Variants in DOCK3 observed in about 807,000 individuals in gnomAD.
DOCK3 encodes dedicator of cytokinesis protein 3.
Under a neutral mutation model 265.6 loss-of-function variants are expected in DOCK3, and 60 were observed. The observed-to-expected ratio is 0.23, with a 90% confidence interval of 0.18 to 0.28. DOCK3 has a LOEUF of 0.28. DOCK3 is among the 10% of genes least tolerant of loss of function. DOCK3 has a pLI of 1.00. For synonymous variants in DOCK3, 881 were observed against 938.0 expected (o/e 0.94, Z 1.11); for missense variants, 1,981 against 2,594.3 (o/e 0.76, Z 5.14).
intron 12 of DOCK3, among the ~76,000 whole-genome samples, chr3:51,165,625 A>G (rs190605552): frequency 8.4e-4 from 128 of 152,272 alleles, no homozygotes; most frequent in African/African-American, 2.7e-3. Context: ...GCCCCTGGCA[A>G]CCACCGTTCT....
At chr3:51,181,385 G>T (rs1164791289) in intron 12 of DOCK3, among the ~76,000 whole-genome samples, 1 of 148,430 alleles carries the variant, frequency 6.7e-6, no homozygotes, top group Non-Finnish European at 1.5e-5. Flanking sequence ...AGAACATGCG[G>T]TGTTTGGTTT....
chr3:51,381,079 C>A lies in DOCK3; in HGVS notation c.5613C>A (p.Pro1871=), dbSNP rs371225174. Residue 1871 remains proline, a synonymous_variant, in exon 53 of 53, where the codon CCC becomes CCA. Coordinates refer to ENST00000266037, the MANE Select transcript of DOCK3 (RefSeq NM_004947.5). The surrounding 1 kb of genome is among the most constrained non-coding windows in gnomAD (Gnocchi z 5.6). ...KSPLHPIPAS[P]TSPQSGLDGS... ...CTCTCCACCCTATCCCAGCCTCCCC[C>A]ACAAGCCCCCAGTCAGGTCTGGACG... is the stretch of plus-strand genomic sequence containing the variant. 6.8e-6 allele frequency: 11 copies of A among 1,607,292 alleles called. No homozygotes were observed. Among genetic ancestry groups the A allele is most frequent in the Non-Finnish European group, 7.7e-6 (9 of 1,175,182 alleles).
At chr3:51,115,629 C>A (rs577518001) in intron 9 of DOCK3, among the ~76,000 whole-genome samples, 1 of 152,272 alleles carries the variant, frequency 6.6e-6, no homozygotes, top group Admixed American at 6.5e-5. Flanking sequence ...TTTTGCTGTG[C>A]AGAAGCTCTT....
intron 4 of DOCK3, among the ~76,000 whole-genome samples, chr3:50,896,137 A>G (rs749178469): frequency 3.3e-5 from 5 of 152,178 alleles, no homozygotes; most frequent in Non-Finnish European, 7.4e-5. Context: ...ACTCCCACGA[A>G]CAGTGTAAAA....
chr3:51,284,534 C>G (rs6804101), intron 27 of DOCK3, among the ~76,000 whole-genome samples: 3,547 of 152,216 alleles, frequency 0.023, 152 homozygotes, highest in African/African-American at 0.081. Context: ...GCTAACACCC[C>G]TTTGGAGCAG....
At chr3:50,861,267 A>AAACC (rs2046897173) in intron 3 of DOCK3, among the ~76,000 whole-genome samples, 1 of 151,816 alleles carries the variant, frequency 6.6e-6, no homozygotes, top group Non-Finnish European at 1.5e-5. Flanking sequence ...GTTTCAGTTG[A>AAACC]AGGTGTTGTA....
chr3:51,203,704 C>T lies in DOCK3; in HGVS notation c.1038-5070C>T, dbSNP rs1407684295. ...AGAACCAAAAAAGAGCCTGCATTGC[C>T]AAGTCAATCCTAAGCCAAAAGAACA... On this transcript the variant is annotated intron_variant, in intron 12 of 52. Transcript: ENST00000266037. 3.9e-5 allele frequency among the ~76,000 whole-genome samples: 6 copies of T among 152,306 alleles called. 2 individuals are homozygous for T. The highest frequency in any genetic ancestry group is 1.4e-4 in the African/African-American group (6 of 41,556).
intron 9 of DOCK3, among the ~76,000 whole-genome samples, chr3:51,108,539 A>G (rs1372055902): frequency 6.6e-6 from 1 of 152,226 alleles, no homozygotes; most frequent in African/African-American, 2.4e-5. Context: ...CACATTCACT[A>G]CTAACCTTGG....
At chr3:50,727,949 A>G (rs888351403) in intron 1 of DOCK3, among the ~76,000 whole-genome samples, 7 of 152,218 alleles carry the variant, frequency 4.6e-5, no homozygotes, top group African/African-American at 7.2e-5. Context: ...AAACCACACT[A>G]TCAACCAAAA....
chr3:51,117,558 CCTCTA>C (rs780510926), intron 9 of DOCK3, among the ~76,000 whole-genome samples: 2 of 152,098 alleles, frequency 1.3e-5, no homozygotes, highest in African/African-American at 2.4e-5. Flanking sequence ...CCTCTTTATA[CCTCTA>C]GTAGAAATCG....
intron 7 of DOCK3, among the ~76,000 whole-genome samples, chr3:51,077,221 G>T (rs1257573207): frequency 2.0e-5 from 3 of 152,170 alleles, no homozygotes; most frequent in African/African-American, 7.2e-5. Context: ...AGTGAAGAGA[G>T]AATGAGAGTT....
intron 5 of DOCK3, among the ~76,000 whole-genome samples, chr3:51,004,996 T>C (rs1003390390): frequency 2.0e-5 from 3 of 151,366 alleles, no homozygotes; most frequent in African/African-American, 7.3e-5. Flanking sequence ...CTAAGTCTTA[T>C]TATTTCTTGA....
chr3:50,977,378 T>G (rs1228632893), intron 5 of DOCK3, among the ~76,000 whole-genome samples: 6 of 152,186 alleles, frequency 3.9e-5, no homozygotes, highest in East Asian at 1.9e-4. Flanking sequence ...GTCTGTAAAG[T>G]ATTGTATTTC....
chr3:50,984,442 C>T (rs1336116681), intron 5 of DOCK3, among the ~76,000 whole-genome samples: 1 of 152,148 alleles, frequency 6.6e-6, no homozygotes, highest in Non-Finnish European at 1.5e-5. Context: ...TCAATTTTTG[C>T]TTGTCTGGTA....
intron 12 of DOCK3, among the ~76,000 whole-genome samples, chr3:51,202,165 C>A (rs1459808656): frequency 2.2e-4 from 1 of 4,516 alleles, no homozygotes; most frequent in Admixed American, 2.8e-3. Flanking sequence ...CAAGAAATAA[C>A]TAAGAGCAGA....
At chr3:51,036,735 A>C (rs1043974114) in intron 5 of DOCK3, among the ~76,000 whole-genome samples, 4 of 152,042 alleles carry the variant, frequency 2.6e-5, no homozygotes, top group African/African-American at 7.2e-5. Flanking sequence ...TTCCCATGCA[A>C]ATCTCATCTT....
At chr3:51,088,805 A>G in intron 7 of DOCK3, among the ~76,000 whole-genome samples, 1 of 152,248 alleles carries the variant, frequency 6.6e-6, no homozygotes, top group East Asian at 1.9e-4. Context: ...CATTTCAGCC[A>G]GCCAGCAGTA....
rs772185109 is a variant in DOCK3, at chr3:51,374,540, C to T, written c.5365C>T (p.Arg1789Cys). Residue 1789 changes from arginine (R) to cysteine (C), a missense_variant, in exon 50 of 53, where the codon CGC (arginine) becomes TGC (cysteine). Around this residue, in one of 4 missense-constraint regions of DOCK3, gnomAD observed 1,357 missense variants for 1,866.8 expected, o/e 0.73. Transcript: ENST00000266037. This position sits in a 1 kb window ranked among gnomAD's most constrained non-coding sequence, Gnocchi z 4.8. Reference protein sequence around the residue: ...MMLLLPTYRDRPSSAMYPAAI... With the variant: ...MMLLLPTYRDCPSSAMYPAAI... Reference sequence around the variant, plus strand: ...GTTGTTGCTGCCCACATACCGGGACCGCCCAAGCAGTGCCATGTATCCAGC... The same window carrying T: ...GTTGTTGCTGCCCACATACCGGGACTGCCCAAGCAGTGCCATGTATCCAGC... The T allele has an allele frequency of 1.2e-5, 19 of 1,613,722 alleles. No individual in the cohort carries two copies. The highest frequency in any genetic ancestry group is 6.7e-5 in the African/African-American group (5 of 74,926).
chr3:50,774,627 G>A (rs1212855270), intron 1 of DOCK3, among the ~76,000 whole-genome samples: 1 of 151,292 alleles, frequency 6.6e-6, no homozygotes, highest in Non-Finnish European at 1.5e-5. Flanking sequence ...TACATACACA[G>A]TCAGACCTGC....
Sources: allele counts gnomAD v4.1 joint callset (sites outside exome capture counted in the v4.1 genomes callset), GRCh38; gene constraint gnomAD v4.1.1; regional missense constraint gnomAD v4.1.1; non-coding constraint Gnocchi (gnomAD v3.1); transcripts MANE v1.5; gene names NCBI Gene and HGNC (gene_info 2026-07-23, HGNC 2026-07-21).